The following LHFPL3 variants were observed in gnomAD, a reference collection of about 807,000 sequenced individuals.
LHFPL3 encodes LHFPL tetraspan subfamily member 3.
LHFPL3 carries 5 observed loss-of-function variants against 19.3 expected under a neutral mutation model. That is an observed-to-expected ratio of 0.26 (90% CI 0.14 to 0.54). The LOEUF (loss-of-function observed/expected upper bound fraction) is 0.54, where lower values mean the gene tolerates loss of function less well. Ranked by LOEUF, LHFPL3 falls within the 20% of genes least tolerant of loss-of-function variation. The pLI is 0.94. For synonymous variants in LHFPL3, 133 were observed against 126.2 expected, an observed-to-expected ratio of 1.05 and a Z score of -0.36; for missense variants, 249 against 307.4, an observed-to-expected ratio of 0.81 and a Z score of 1.42.
intron 1 of LHFPL3, among the ~76,000 whole-genome samples, chr7:104,335,004 G>C (rs890471191): frequency 2.0e-4 from 30 of 152,088 alleles, no homozygotes; most frequent in African/African-American, 7.2e-4. Context: ...CTTCTTACTG[G>C]GCATCAGTGC....
At chr7:104,667,685 C>T in intron 1 of LHFPL3, 1 of 1,177,132 alleles carries the variant, frequency 8.5e-7, no homozygotes, top group Non-Finnish European at 1.2e-6. Context: ...TGCCATTATA[C>T]ATGCAATTTA....
In LHFPL3 at chr7:104,783,456, A is replaced by G. The variant is rs531588038; in HGVS notation, c.682+46545A>G. The stretch of plus-strand genomic sequence containing the variant: ...TAATGCCTGTCATGTTAGTAGTTCA[A>G]TAAGAAATTTTGAAGCCAAGATTCA... On this transcript the variant is annotated intron_variant, in intron 2 of 2. Transcript: ENST00000424859. Among the ~76,000 whole-genome samples, 547 of 152,354 alleles carry G rather than the reference A, an allele frequency of 3.6e-3. 12 individuals are homozygous for G. Among genetic ancestry groups the G allele is most frequent in the East Asian group, 9.6e-4 (5 of 5,194 alleles).
chr7:104,772,559 G>A (rs1794571960), intron 2 of LHFPL3, among the ~76,000 whole-genome samples: 1 of 152,192 alleles, frequency 6.6e-6, no homozygotes, highest in Non-Finnish European at 1.5e-5. Context: ...TGCCACCCCA[G>A]CTCAGTCCTC....
At chr7:104,753,921 G>C (rs533362418) in intron 2 of LHFPL3, among the ~76,000 whole-genome samples, 1 of 152,192 alleles carries the variant, frequency 6.6e-6, no homozygotes, top group Non-Finnish European at 1.5e-5. Flanking sequence ...CTGCCAGTGG[G>C]AGTGCAGACC....
intron 2 of LHFPL3, among the ~76,000 whole-genome samples, chr7:104,822,220 G>A (rs56305740): frequency 6.6e-6 from 1 of 152,164 alleles, no homozygotes; most frequent in Non-Finnish European, 1.5e-5. Flanking sequence ...TTTCTCAAAG[G>A]TGGAAAACAT....
At chr7:104,855,716 T>C (rs572060369) in intron 2 of LHFPL3, among the ~76,000 whole-genome samples, 104 of 152,070 alleles carry the variant, frequency 6.8e-4, no homozygotes, top group Non-Finnish European at 1.2e-3. Flanking sequence ...CTCCACCTCC[T>C]GGATTCAAGT....
chr7:104,884,212 T>A (rs889450030), intron 2 of LHFPL3, among the ~76,000 whole-genome samples: 1 of 152,162 alleles, frequency 6.6e-6, no homozygotes. Flanking sequence ...ACTAACAACA[T>A]CACGGAGAAG....
At chr7:104,346,948 AG>A (rs141796377) in intron 1 of LHFPL3, among the ~76,000 whole-genome samples, 8,752 of 149,334 alleles carry the variant, frequency 0.059, 328 homozygotes, top group Middle Eastern at 0.088. Flanking sequence ...TAAATTCCAA[AG>A]CCAGAACATC....
intron 1 of LHFPL3, among the ~76,000 whole-genome samples, chr7:104,521,575 A>G (rs1159070312): frequency 1.3e-5 from 2 of 152,078 alleles, no homozygotes; most frequent in Non-Finnish European, 2.9e-5. Flanking sequence ...GCACAGCAAA[A>G]GAAACTACCA....
intron 2 of LHFPL3, among the ~76,000 whole-genome samples, chr7:104,830,875 A>G (rs980313310): frequency 1.3e-5 from 2 of 151,820 alleles, no homozygotes; most frequent in African/African-American, 4.9e-5. Context: ...TAGAAGAAGA[A>G]ATGGTGGCTT....
At chr7:104,335,945 A>G (rs1056048748) in intron 1 of LHFPL3, among the ~76,000 whole-genome samples, 5 of 152,210 alleles carry the variant, frequency 3.3e-5, no homozygotes, top group Non-Finnish European at 7.4e-5. Context: ...CAGGAGATGA[A>G]CTATGGGGAG....
intron 1 of LHFPL3, among the ~76,000 whole-genome samples, chr7:104,365,629 A>C (rs1790471717): frequency 6.8e-6 from 1 of 147,054 alleles, no homozygotes; most frequent in African/African-American, 2.5e-5. Context: ...AAAATACAAA[A>C]AATTAGCCGG....
intron 1 of LHFPL3, among the ~76,000 whole-genome samples, chr7:104,477,024 T>C (rs535721132): frequency 6.6e-6 from 1 of 152,214 alleles, no homozygotes; most frequent in South Asian, 2.1e-4. Context: ...AAAGTCTTGC[T>C]CTCTTACCCA....
At chr7:104,764,760 G>C (rs1347723178) in intron 2 of LHFPL3, among the ~76,000 whole-genome samples, 1 of 152,120 alleles carries the variant, frequency 6.6e-6, no homozygotes, top group East Asian at 1.9e-4. Context: ...TGACTGTGTT[G>C]TTAGTATTTA....
At chr7:104,347,897 A>AAG (rs2116381986) in intron 1 of LHFPL3, among the ~76,000 whole-genome samples, 1 of 151,806 alleles carries the variant, frequency 6.6e-6, no homozygotes, top group South Asian at 2.1e-4. Context: ...TCTTAAAAAA[A>AAG]AAAAACAAAA....
At chr7:104,886,313 G>T (rs560215199) in intron 2 of LHFPL3, among the ~76,000 whole-genome samples, 1 of 152,140 alleles carries the variant, frequency 6.6e-6, no homozygotes, top group Non-Finnish European at 1.5e-5. Context: ...CCACTAACTC[G>T]TGGCTCAAAG....
intron 1 of LHFPL3, among the ~76,000 whole-genome samples, chr7:104,492,799 T>C (rs1793383744): frequency 6.6e-6 from 1 of 152,208 alleles, no homozygotes; most frequent in Non-Finnish European, 1.5e-5. Context: ...CCTTTCTGTC[T>C]TAGAGGAGGA....
intron 1 of LHFPL3, among the ~76,000 whole-genome samples, chr7:104,408,367 T>C (rs1468146477): frequency 2.0e-5 from 3 of 151,920 alleles, no homozygotes; most frequent in African/African-American, 4.8e-5. Flanking sequence ...ACATTTTTTT[T>C]TTTCTAGATT....
chr7:104,368,175 G>A (rs1374276944), intron 1 of LHFPL3, among the ~76,000 whole-genome samples: 1 of 152,250 alleles, frequency 6.6e-6, no homozygotes, highest in Non-Finnish European at 1.5e-5. Flanking sequence ...TGAATTAGGA[G>A]CCCTTGCCAG....
Sources: gnomAD v4.1 joint callset for allele counts (sites outside exome capture counted in the v4.1 genomes callset) on GRCh38, gnomAD v4.1.1 for gene constraint, MANE v1.5 for transcripts, NCBI Gene and HGNC (gene_info 2026-07-23, HGNC 2026-07-21) for gene names.